Variants in LARGE1 observed in about 807,000 individuals in gnomAD.
LARGE1 encodes xylosyl- and glucuronyltransferase LARGE1.
Under a neutral mutation model 87.6 loss-of-function variants are expected in LARGE1, and 43 were observed. The observed-to-expected ratio is 0.49, with a 90% CI of 0.38 to 0.63. The LOEUF is 0.63. Among genes scored for constraint, LARGE1 ranks in the 30% least tolerant of loss-of-function variants. The pLI, the probability that LARGE1 is intolerant of heterozygous loss-of-function variation, is 0.00. For synonymous variants in LARGE1, 434 were observed against 394.6 expected, an observed-to-expected ratio of 1.10 and a Z score of -1.18; for missense variants, 802 against 1,000.2, an observed-to-expected ratio of 0.80 and a Z score of 2.67.
At chr22:33,855,733 G>C (rs1227619016) in intron 1 of LARGE1, among the ~76,000 whole-genome samples, 1 of 152,038 alleles carries the variant, frequency 6.6e-6, no homozygotes, top group Non-Finnish European at 1.5e-5. Context: ...AACTCAGAGT[G>C]GGGGGGTTCC....
rs542067713 is a variant in LARGE1 at position 33,442,209 on chromosome 22, T to G, written c.788-9944A>C. Among the ~76,000 whole-genome samples the G allele has an allele frequency of 2.0e-5, 3 of 152,310 alleles. No individual in the cohort carries two copies. The South Asian group carries it at 6.2e-4, about 32-fold the overall frequency. ...AGGGAGAAGCTTCCGATCACCGGAATGGTTCTGGAAGAGGCTGCATGATTC... is the reference window on the plus strand; with the variant it reads ...AGGGAGAAGCTTCCGATCACCGGAAGGGTTCTGGAAGAGGCTGCATGATTC... On this transcript the variant is annotated intron_variant, in intron 6 of 14. Coordinates refer to ENST00000397394, the MANE Select transcript of LARGE1 (RefSeq NM_133642.5).
At chr22:33,633,783 T>C (rs1179809819) in intron 3 of LARGE1, among the ~76,000 whole-genome samples, 1 of 152,072 alleles carries the variant, frequency 6.6e-6, no homozygotes, top group East Asian at 1.9e-4. Context: ...TTGGTGGGGT[T>C]GAGGGGGACA....
chr22:33,851,753 G>A (rs2063589333), intron 1 of LARGE1, among the ~76,000 whole-genome samples: 1 of 152,210 alleles, frequency 6.6e-6, no homozygotes, highest in African/African-American at 2.4e-5. Flanking sequence ...TCAGGGAAAT[G>A]TAGTTTTGCT....
At chr22:33,338,867 G>T (rs1938804719) in intron 9 of LARGE1, among the ~76,000 whole-genome samples, 1 of 152,162 alleles carries the variant, frequency 6.6e-6, no homozygotes, top group South Asian at 2.1e-4. Flanking sequence ...TAAATGAGAG[G>T]CCGGGTGCGG....
At chr22:33,710,632 T>C (rs987760903) in intron 2 of LARGE1, among the ~76,000 whole-genome samples, 2 of 152,384 alleles carry the variant, frequency 1.3e-5, no homozygotes, top group African/African-American at 2.4e-5. Flanking sequence ...GGCACTCATT[T>C]GATTTTTCTG....
chr22:33,333,182 G>A (rs1012654670), intron 10 of LARGE1, among the ~76,000 whole-genome samples: 6 of 152,034 alleles, frequency 3.9e-5, no homozygotes, highest in African/African-American at 1.5e-4. Flanking sequence ...ACCAAGCTCG[G>A]CTATTTTTTT....
chr22:33,297,513 T>C (rs1218232487), intron 12 of LARGE1, among the ~76,000 whole-genome samples: 2 of 149,880 alleles, frequency 1.3e-5, no homozygotes, highest in East Asian at 4.0e-4. Context: ...CTTGGGAGGC[T>C]GAGGCAGGAC....
At chr22:33,126,618 G>T in the LARGE1 span, among the ~76,000 whole-genome samples, 1 of 152,174 alleles carries the variant, frequency 6.6e-6, no homozygotes, top group Admixed American at 6.5e-5. Context: ...TTGTGGGCAG[G>T]CTGTTCACCT....
At position 33,730,446 on chromosome 22, in the gene LARGE1, A is replaced by G. The variant is rs143798736; in HGVS notation, c.106+30925T>C. ...TATTTCACATTGCATGCCTGTACCA[A>G]AACAACTCATGCACGCTGTAAATCT... On this transcript the variant is annotated intron_variant, in intron 2 of 14. Transcript: ENST00000397394. 6.6e-3 allele frequency among the ~76,000 whole-genome samples: 1,013 copies of G among 152,332 alleles called. 46 individuals carry two copies. Among genetic ancestry groups the G allele is most frequent in the Admixed American group, 0.057 (877 of 15,302 alleles).
the LARGE1 span, among the ~76,000 whole-genome samples, chr22:33,118,758 C>T: frequency 6.6e-6 from 1 of 152,160 alleles, no homozygotes; most frequent in South Asian, 2.1e-4. Flanking sequence ...TGCAGGTACT[C>T]AATACCACCT....
intron 5 of LARGE1, among the ~76,000 whole-genome samples, chr22:33,592,317 T>C (rs1333427240): frequency 1.3e-5 from 2 of 152,172 alleles, no homozygotes; most frequent in African/African-American, 2.4e-5. Context: ...ATTATTATTA[T>C]TATTTTTTTC....
chr22:33,237,085 T>TG (rs1926290326), intron 11 of LARGE1, among the ~76,000 whole-genome samples: 1 of 152,212 alleles, frequency 6.6e-6, no homozygotes, highest in African/African-American at 2.4e-5. Flanking sequence ...CCTTCCACTA[T>TG]ATCCCTCTGG....
chr22:33,854,886 A>C (rs541791064), intron 1 of LARGE1, among the ~76,000 whole-genome samples: 1 of 152,176 alleles, frequency 6.6e-6, no homozygotes, highest in Non-Finnish European at 1.5e-5. Flanking sequence ...GTGGGGTGCC[A>C]TGTTGCATCA....
At chr22:33,402,800 C>T (rs2065967572) in intron 7 of LARGE1, among the ~76,000 whole-genome samples, 2 of 152,076 alleles carry the variant, frequency 1.3e-5, no homozygotes, top group African/African-American at 4.8e-5. Flanking sequence ...TCACTGTGAC[C>T]CAGAGGCAGA....
At chr22:33,155,270 T>G in the LARGE1 span, among the ~76,000 whole-genome samples, 14 of 152,196 alleles carry the variant, frequency 9.2e-5, no homozygotes, top group East Asian at 1.5e-3. Flanking sequence ...GTTGGAACAC[T>G]TTGGAGGGCT....
the LARGE1 span, among the ~76,000 whole-genome samples, chr22:33,156,343 G>A: frequency 6.6e-6 from 1 of 152,276 alleles, no homozygotes; most frequent in Admixed American, 6.5e-5. Flanking sequence ...GGGAAAGGGG[G>A]CTATACCCTG....
intron 3 of LARGE1, among the ~76,000 whole-genome samples, chr22:33,643,921 T>C (rs1404080518): frequency 6.6e-6 from 1 of 152,136 alleles, no homozygotes; most frequent in South Asian, 2.1e-4. Flanking sequence ...CAGTAATTAA[T>C]AGCCTACCAA....
At chr22:33,790,180 A>G (rs182587635) in intron 1 of LARGE1, among the ~76,000 whole-genome samples, 2 of 152,308 alleles carry the variant, frequency 1.3e-5, no homozygotes, top group East Asian at 3.9e-4. Context: ...AATTTTACAA[A>G]TGGGAGTTCC....
chr22:33,913,526 A>G (rs2065696844), intron 1 of LARGE1, among the ~76,000 whole-genome samples: 1 of 151,954 alleles, frequency 6.6e-6, no homozygotes, highest in Admixed American at 6.6e-5. Context: ...TATGTTTGAG[A>G]AGTCTTTGGT....
Sources: allele counts gnomAD v4.1 joint callset (sites outside exome capture counted in the v4.1 genomes callset), GRCh38; gene constraint gnomAD v4.1.1; transcripts MANE v1.5; gene names NCBI Gene and HGNC (gene_info 2026-07-23, HGNC 2026-07-21).